The following KCNH7 variants were observed in gnomAD, a reference collection of about 807,000 sequenced individuals.
KCNH7 encodes voltage-gated inwardly rectifying potassium channel KCNH7.
Under a neutral mutation model 120.8 loss-of-function variants are expected in KCNH7, and 49 were observed. That is an observed-to-expected ratio of 0.41 (90% confidence interval 0.32 to 0.51). KCNH7 has a LOEUF of 0.51. Ranked by LOEUF, KCNH7 falls within the 20% of genes least tolerant of loss-of-function variation. The pLI is 0.38. For missense variants in KCNH7, 1,097 were observed against 1,446.6 expected, an observed-to-expected ratio of 0.76 and a Z score of 3.92; for synonymous variants, 547 against 516.1, an observed-to-expected ratio of 1.06 and a Z score of -0.81.
Position 162,781,801 on chromosome 2 carries a change from G to T in KCNH7, c.307+54736C>A, listed in dbSNP as rs548813589. ...GTCAGTTAGAAAATGATTAATTCAA[G>T]ACTTCAAGCAGAGAACACATTGCTT... On this transcript the variant is annotated intron_variant, in intron 2 of 15. Coordinates refer to ENST00000332142, the MANE Select transcript of KCNH7 (RefSeq NM_033272.4). Among the ~76,000 whole-genome samples the T allele has an allele frequency of 7.9e-5, 12 of 152,200 alleles. No homozygotes were observed. In the East Asian group the frequency reaches 2.1e-3, roughly 27 times the overall value.
chr2:162,600,354 G>A (rs1694510787), intron 2 of KCNH7, among the ~76,000 whole-genome samples: 1 of 152,144 alleles, frequency 6.6e-6, no homozygotes, highest in Non-Finnish European at 1.5e-5. Flanking sequence ...TCTTCCTTTA[G>A]GGTACTTCAC....
At chr2:162,656,454 C>T (rs867237866) in intron 2 of KCNH7, among the ~76,000 whole-genome samples, 4 of 152,100 alleles carry the variant, frequency 2.6e-5, no homozygotes, top group Admixed American at 6.6e-5. Context: ...ACTTTCTTAT[C>T]CATCATTTTT....
intron 9 of KCNH7, among the ~76,000 whole-genome samples, chr2:162,420,780 G>C (rs370461091): frequency 6.6e-6 from 1 of 152,068 alleles, no homozygotes; most frequent in Non-Finnish European, 1.5e-5. Context: ...AAGGTTATAC[G>C]TAAAATATCA....
chr2:162,603,338 AG>A (rs1259810649), intron 2 of KCNH7, among the ~76,000 whole-genome samples: 1 of 152,030 alleles, frequency 6.6e-6, no homozygotes, highest in Non-Finnish European at 1.5e-5. Context: ...GTTTTCTGTG[AG>A]GGTATTAATG....
Position 162,634,830 on chromosome 2 carries a change from G to A in KCNH7, c.308-97750C>T, listed in dbSNP as rs372801553. On this transcript the variant is annotated intron_variant, in intron 2 of 15. Transcript: ENST00000332142. ...ATATAAGACTATTTTTCTTTACTTT[G>A]GGTTTCTTGATGAAAGATGACAAAT... Among the ~76,000 whole-genome samples, 4 of 151,950 alleles carry A rather than the reference G, an allele frequency of 2.6e-5. No homozygotes were observed. In the South Asian group the frequency reaches 8.3e-4, roughly 32 times the overall value.
At chr2:162,492,256 A>T (rs756778655) in intron 6 of KCNH7, among the ~76,000 whole-genome samples, 1 of 152,224 alleles carries the variant, frequency 6.6e-6, no homozygotes, top group Non-Finnish European at 1.5e-5. Flanking sequence ...TCTGTCATAA[A>T]GAGGGGTACT....
rs1311228376 is a variant in KCNH7 at position 162,748,909 on chromosome 2, TCCTTC to T, written c.307+87623_307+87627del. 2.7e-3 allele frequency among the ~76,000 whole-genome samples: 198 copies of T among 72,008 alleles called. 1 individual carries two copies. The highest frequency in any genetic ancestry group is 0.019 in the African/African-American group (162 of 8,544). 47.2% of individuals were successfully genotyped at this position (72,008 alleles called of 152,430 possible). On this transcript the variant is annotated intron_variant, in intron 2 of 15. Transcript: ENST00000332142. Reference sequence around the variant, plus strand: ...TCCCTCCCTTCTTTCCTTCCTTCCTTCCTTCCCTTCCCTTTCCTTTCCTTCCTTCC... The same window carrying T: ...TCCCTCCCTTCTTTCCTTCCTTCCTTCCTTCCCTTTCCTTTCCTTCCTTCC...
At chr2:162,739,276 T>C (rs1471120215) in intron 2 of KCNH7, among the ~76,000 whole-genome samples, 1 of 152,158 alleles carries the variant, frequency 6.6e-6, no homozygotes, top group Non-Finnish European at 1.5e-5. Flanking sequence ...AGGAACACCA[T>C]GCTTCAAATT....
chr2:162,620,223 G>T (rs12466034), intron 2 of KCNH7, among the ~76,000 whole-genome samples: 6,790 of 147,712 alleles, frequency 0.046, 302 homozygotes, highest in East Asian at 0.12. Flanking sequence ...AATATATATA[G>T]AGAGAGGAAA....
chr2:162,418,181 G>A (rs1440505308), intron 9 of KCNH7, among the ~76,000 whole-genome samples: 1 of 152,060 alleles, frequency 6.6e-6, no homozygotes, highest in Non-Finnish European at 1.5e-5. Context: ...ACTCCTAAAT[G>A]GTAACTATGT....
intron 9 of KCNH7, among the ~76,000 whole-genome samples, chr2:162,402,490 A>G (rs755727786): frequency 7.3e-5 from 11 of 150,948 alleles, no homozygotes; most frequent in East Asian, 2.0e-4. Context: ...AGGCCTCTGC[A>G]TATGAATTAC....
intron 7 of KCNH7, among the ~76,000 whole-genome samples, chr2:162,445,742 C>A (rs1165883767): frequency 6.6e-6 from 1 of 152,048 alleles, no homozygotes; most frequent in East Asian, 1.9e-4. Context: ...GATTTTAAAT[C>A]CTGGGAATGT....
intron 2 of KCNH7, among the ~76,000 whole-genome samples, chr2:162,676,059 C>G (rs1326065238): frequency 1.3e-5 from 2 of 151,382 alleles, no homozygotes; most frequent in African/African-American, 4.8e-5. Flanking sequence ...GAAGGCAGTG[C>G]TGAACCTTCC....
intron 5 of KCNH7, among the ~76,000 whole-genome samples, chr2:162,505,778 A>C (rs1240980544): frequency 6.6e-6 from 1 of 151,928 alleles, no homozygotes; most frequent in African/African-American, 2.4e-5. Flanking sequence ...TAGGCAGCAT[A>C]GTTGCCTTTG....
intron 2 of KCNH7, among the ~76,000 whole-genome samples, chr2:162,798,575 T>C (rs1201146990): frequency 2.0e-5 from 3 of 152,082 alleles, no homozygotes; most frequent in Non-Finnish European, 4.4e-5. Context: ...AAATGCATTA[T>C]TGGTGAAATT....
chr2:162,676,479 C>T (rs1036380852), intron 2 of KCNH7, among the ~76,000 whole-genome samples: 1 of 151,372 alleles, frequency 6.6e-6, no homozygotes, highest in Non-Finnish European at 1.5e-5. Flanking sequence ...AAGAGAAATA[C>T]CAAACATTCC....
chr2:162,528,395 T>C (rs1691788340), intron 3 of KCNH7: 1 of 151,944 alleles, frequency 6.6e-6, no homozygotes, highest in South Asian at 2.1e-4. Context: ...TAGAGAAAGG[T>C]ATGAGGTATT....
At position 162,445,409 on chromosome 2, in the gene KCNH7, CT is replaced by C. The variant is rs560932837; in HGVS notation, c.1554+608del. Among the ~76,000 whole-genome samples, 21 of 152,192 alleles carry C rather than the reference CT, an allele frequency of 1.4e-4. No individual in the cohort carries two copies. In the East Asian group the frequency reaches 4.1e-3, roughly 29 times the overall value. On this transcript the variant is annotated intron_variant, in intron 7 of 15. Coordinates refer to ENST00000332142, the MANE Select transcript of KCNH7 (RefSeq NM_033272.4). ...TTAGATGAAGTGAACTGTAGGAAAACTTAACTTCTTTTGGATCAAAGAGTCT... is the reference window on the plus strand; with the variant it reads ...TTAGATGAAGTGAACTGTAGGAAAACTAACTTCTTTTGGATCAAAGAGTCT...
intron 9 of KCNH7, among the ~76,000 whole-genome samples, chr2:162,400,787 C>T (rs981195086): frequency 8.6e-5 from 13 of 151,852 alleles, no homozygotes; most frequent in African/African-American, 2.7e-4. Flanking sequence ...ATTAATAAGA[C>T]GTAACTAATG....
Sources: gnomAD v4.1 joint callset for allele counts (sites outside exome capture counted in the v4.1 genomes callset) on GRCh38, gnomAD v4.1.1 for gene constraint, MANE v1.5 for transcripts, NCBI Gene and HGNC (gene_info 2026-07-23, HGNC 2026-07-21) for gene names.